PCDHA13: variants seen among roughly 807,000 people sequenced by gnomAD.
The protein encoded by PCDHA13 is protocadherin alpha-13.
In PCDHA13, 54 loss-of-function variants were observed where a neutral mutation model predicts 64.8. The observed-to-expected ratio is 0.83, with a 90% confidence interval of 0.67 to 1.04. The LOEUF (loss-of-function observed/expected upper bound fraction) is 1.04. Among genes scored for constraint, PCDHA13 ranks in the 50% least tolerant of loss-of-function variants. PCDHA13 has a pLI of 0.00. For missense variants in PCDHA13, 1,248 were observed against 1,254.3 expected (o/e 0.99, Z 0.08); for synonymous variants, 587 against 564.4 (o/e 1.04, Z -0.57).
chr5:141,003,057 TCCA>T (rs2098109750), intron 3 of PCDHA13, among the ~76,000 whole-genome samples: 1 of 152,194 alleles, frequency 6.6e-6, no homozygotes, highest in African/African-American at 2.4e-5. Context: ...ACAGAACAGT[TCCA>T]AATGCAGATG....
intron 1 of PCDHA13, among the ~76,000 whole-genome samples, chr5:140,910,787 T>G (rs566298433): frequency 2.0e-5 from 3 of 152,196 alleles, no homozygotes; most frequent in Non-Finnish European, 4.4e-5. Flanking sequence ...CAACATTAAA[T>G]GCAGAATCCC....
chr5:140,944,099 C>G (rs1585153302), intron 1 of PCDHA13, among the ~76,000 whole-genome samples: 1 of 152,264 alleles, frequency 6.6e-6, no homozygotes, highest in East Asian at 1.9e-4. Context: ...AAGTTTATAT[C>G]TCATGGGAAA....
rs144735555 is a variant in PCDHA13 at position 140,884,569 on chromosome 5, G to C, written c.2301G>C (p.Thr767=). ...RVCSGEGPHK[T]DLMAFSPSLP... The stretch of plus-strand genomic sequence containing the variant: ...GCTCTGGGGAGGGCCCGCATAAGAC[G>C]GACCTCATGGCCTTCAGTCCCAGCC... Residue 767 remains threonine, a synonymous_variant, in exon 1 of 4, where the codon ACG becomes ACC. Transcript: ENST00000289272. 7 of 1,614,008 alleles carry C rather than the reference G, an allele frequency of 4.3e-6. No individual in the cohort carries two copies. In the African/African-American group the frequency reaches 8.0e-5, roughly 18 times the overall value.
Position 140,982,515 on chromosome 5 carries a change from C to A in PCDHA13, c.2494C>A (p.Pro832Thr), listed in dbSNP as rs1278779763. ...LEEAGILRAG[P>T]GGPDQQWPTV... ...GGAGGCTGGCATTCTACGGGCTGGT[C>A]CAGGAGGGCCTGATCAGCAGTGGCC... Residue 832 changes from proline (P) to threonine (T), a missense_variant, in exon 3 of 4, where the codon CCA becomes ACA. Pro to Thr is a conservative substitution (Grantham distance 38, BLOSUM62 -1). Transcript: ENST00000289272. 3 of 1,614,058 alleles carry A rather than the reference C, an allele frequency of 1.9e-6. No individual in the cohort carries two copies. Among genetic ancestry groups the A allele is most frequent in the Middle Eastern group, 1.6e-4 (1 of 6,080 alleles).
At chr5:140,997,911 C>T (rs2097790216) in intron 3 of PCDHA13, among the ~76,000 whole-genome samples, 1 of 152,120 alleles carries the variant, frequency 6.6e-6, no homozygotes, top group East Asian at 1.9e-4. Context: ...AGTAGAATTA[C>T]AGAATCATAG....
chr5:140,889,541 ATTTAC>A (rs1434823292), intron 1 of PCDHA13, among the ~76,000 whole-genome samples: 9 of 151,878 alleles, frequency 5.9e-5, no homozygotes, highest in African/African-American at 2.2e-4. Context: ...TTCCTGTCTA[ATTTAC>A]TTTTCTTCAG....
At chr5:140,966,831 G>A in intron 1 of PCDHA13, 1 of 1,563,110 alleles carries the variant, frequency 6.4e-7, no homozygotes, top group Non-Finnish European at 8.6e-7. Flanking sequence ...CCCATGCCCT[G>A]GCTGCTGCTA....
intron 1 of PCDHA13, chr5:140,926,832 G>C: frequency 6.6e-7 from 1 of 1,505,338 alleles, no homozygotes; most frequent in Non-Finnish European, 8.9e-7. Context: ...GGAGTCCGGA[G>C]CATGGTCCTG....
rs1259591783 is a variant in PCDHA13, at chr5:141,009,842, G to C, written c.2758G>C (p.Glu920Gln). 1.2e-6 allele frequency: 2 copies of C among 1,613,960 alleles called. No individual in the cohort carries two copies. The highest frequency in any genetic ancestry group is 1.7e-6 in the Non-Finnish European group (2 of 1,180,014). ...TGACTTCATAACCTTCGGCAAAAAG[G>C]AGGAGACCAAGAAAAAGAAGAAAAA... ...KSDFITFGKKEETKKKKKKKK... is the reference protein window; with the variant it reads ...KSDFITFGKKQETKKKKKKKK... The change falls in exon 4 of 4, where the codon GAG becomes CAG. Residue 920 changes from glutamate (E) to glutamine (Q), a missense_variant. Coordinates refer to ENST00000289272, the MANE Select transcript of PCDHA13 (RefSeq NM_018904.3).
At chr5:140,999,656 G>A (rs1483832540) in intron 3 of PCDHA13, among the ~76,000 whole-genome samples, 2 of 152,148 alleles carry the variant, frequency 1.3e-5, no homozygotes, top group African/African-American at 4.8e-5. Context: ...CCTGAGCCCT[G>A]CTGGGTTGCG....
At chr5:140,904,570 G>T (rs1377408350) in intron 1 of PCDHA13, among the ~76,000 whole-genome samples, 1 of 151,378 alleles carries the variant, frequency 6.6e-6, no homozygotes, top group African/African-American at 2.4e-5. Context: ...TTTTCCTCTG[G>T]GTAGACACCC....
rs2059672435 is a variant in PCDHA13, at chr5:140,883,559, G to A, written c.1291G>A (p.Gly431Ser). The A allele has an allele frequency of 3.1e-6, 5 of 1,614,074 alleles. No individual in the cohort carries two copies. The highest frequency in any genetic ancestry group is 4.2e-6 in the Non-Finnish European group (5 of 1,180,038). ...YELVVTARDG[G>S]SPSLWATASV... ...ACTGGTGGTGACCGCGCGGGACGGG[G>A]GCTCGCCTTCGCTGTGGGCCACGGC... Residue 431 changes from glycine (G) to serine (S), a missense_variant, in exon 1 of 4, where the codon GGC becomes AGC. Physicochemically the swap from Gly to Ser is moderately conservative, Grantham distance 56. Coordinates refer to ENST00000289272, the MANE Select transcript of PCDHA13 (RefSeq NM_018904.3).
At chr5:140,968,321 A>ACCTCCTATGT in intron 1 of PCDHA13, 1 of 1,613,834 alleles carries the variant, frequency 6.2e-7, no homozygotes, top group Non-Finnish European at 8.5e-7. Flanking sequence ...GCTGCCAGTC[A>ACCTCCTATGT]CCTCCTATGT....
chr5:140,898,817 C>T (rs1381051036), intron 1 of PCDHA13, among the ~76,000 whole-genome samples: 1 of 151,766 alleles, frequency 6.6e-6, no homozygotes, highest in Admixed American at 6.6e-5. Context: ...TCTTCCTACC[C>T]ATGAGCATGG....
At chr5:140,958,374 A>G (rs953397625) in intron 1 of PCDHA13, among the ~76,000 whole-genome samples, 3 of 152,134 alleles carry the variant, frequency 2.0e-5, no homozygotes, top group African/African-American at 7.2e-5. Context: ...GAATGTTGCT[A>G]TTTTCTTAAC....
intron 1 of PCDHA13, among the ~76,000 whole-genome samples, chr5:140,910,092 C>T (rs1554194118): frequency 6.6e-6 from 1 of 152,170 alleles, no homozygotes; most frequent in African/African-American, 2.4e-5. Context: ...GGGGAACCAG[C>T]CTCCCCTTCA....
intron 1 of PCDHA13, chr5:140,927,289 A>G: frequency 6.2e-7 from 1 of 1,614,172 alleles, no homozygotes; most frequent in Non-Finnish European, 8.5e-7. Flanking sequence ...GCAGCTGCAC[A>G]TCCCCGAGTT....
In PCDHA13 at chr5:141,006,011, G is replaced by A. The variant is rs146101776; in HGVS notation, c.2543-3616G>A. Among the ~76,000 whole-genome samples the A allele has an allele frequency of 2.7e-3, 408 of 151,544 alleles. 2 individuals carry two copies. Among genetic ancestry groups the A allele is most frequent in the African/African-American group, 8.8e-3 (365 of 41,422 alleles). Reference sequence around the variant, plus strand: ...GAGGATCTGAAAGAAGGCCTGTATGGTTGGAGTATAATAGTAAGAGGGAGA... The same window carrying A: ...GAGGATCTGAAAGAAGGCCTGTATGATTGGAGTATAATAGTAAGAGGGAGA... On this transcript the variant is annotated intron_variant, in intron 3 of 3. Coordinates refer to ENST00000289272, the MANE Select transcript of PCDHA13 (RefSeq NM_018904.3).
chr5:140,960,553 C>T (rs2095555809), intron 1 of PCDHA13, among the ~76,000 whole-genome samples: 1 of 152,078 alleles, frequency 6.6e-6, no homozygotes, highest in Non-Finnish European at 1.5e-5. Context: ...TTCATATAGA[C>T]TGAGCTTAGG....
Sources: allele counts gnomAD v4.1 joint callset (sites outside exome capture counted in the v4.1 genomes callset), GRCh38; gene constraint gnomAD v4.1.1; transcripts MANE v1.5; gene names NCBI Gene and HGNC (gene_info 2026-07-23, HGNC 2026-07-21).